IMPG1: variants seen among roughly 807,000 people sequenced by gnomAD.
The protein encoded by IMPG1 is interphotoreceptor matrix proteoglycan 1.
IMPG1 carries 85 observed loss-of-function variants against 92.0 expected under a neutral mutation model. The observed-to-expected ratio is 0.92, with a 90% CI of 0.78 to 1.11. The LOEUF is 1.11. Among genes scored for constraint, IMPG1 ranks in the 50% least tolerant of loss-of-function variants. IMPG1 has a pLI of 0.00. For missense variants in IMPG1, 1,022 were observed against 956.0 expected, an observed-to-expected ratio of 1.07 and a Z score of -0.91; for synonymous variants, 367 against 334.1, an observed-to-expected ratio of 1.10 and a Z score of -1.08.
intron 12 of IMPG1, among the ~76,000 whole-genome samples, chr6:75,974,167 C>G (rs1348268100): frequency 6.6e-6 from 1 of 152,072 alleles, no homozygotes; most frequent in Non-Finnish European, 1.5e-5. Flanking sequence ...CATTTTAGTG[C>G]AAATTTGGAA....
intron 12 of IMPG1, among the ~76,000 whole-genome samples, chr6:75,958,594 A>AT (rs1458024218): frequency 4.0e-5 from 6 of 148,562 alleles, no homozygotes; most frequent in Non-Finnish European, 4.5e-5. Context: ...GTTCCTTTTC[A>AT]TTTTTTTTTC....
Position 75,989,070 on chromosome 6 carries a change from A to G in IMPG1, c.1291+13848T>C, listed in dbSNP as rs569758580. 3.9e-5 allele frequency among the ~76,000 whole-genome samples: 6 copies of G among 152,178 alleles called. No homozygotes were observed. In the East Asian group the frequency reaches 7.7e-4, roughly 20 times the overall value. ...CCTCCTTACCACTGCCAGTTCTCTC[A>G]GCTGTAACATTTCTGGCATTTTGTT... On this transcript the variant is annotated intron_variant, in intron 12 of 16. Coordinates refer to ENST00000369950, the MANE Select transcript of IMPG1 (RefSeq NM_001563.4).
chr6:75,991,853 T>A (rs1271269109), intron 12 of IMPG1, among the ~76,000 whole-genome samples: 2 of 152,240 alleles, frequency 1.3e-5, no homozygotes, highest in Admixed American at 1.3e-4. Context: ...TCTTTGCATA[T>A]ATGGTACTGA....
In IMPG1 at chr6:75,927,981, T is replaced by C. The variant is rs573437570; in HGVS notation, c.2243+2972A>G. On this transcript the variant is annotated intron_variant, in intron 15 of 16. Coordinates refer to ENST00000369950, the MANE Select transcript of IMPG1 (RefSeq NM_001563.4). The stretch of plus-strand genomic sequence containing the variant: ...CACCTTATGCCTTGCTTTACTGATC[T>C]CACTTACGACAACCTAGAATTAAAG... 6.6e-5 allele frequency among the ~76,000 whole-genome samples: 10 copies of C among 152,202 alleles called. No individual in the cohort carries two copies. The East Asian group carries it at 1.9e-3, about 30-fold the overall frequency.
In IMPG1 at chr6:75,964,822, C is replaced by T. The variant is rs528794177; in HGVS notation, c.1292-13728G>A. On this transcript the variant is annotated intron_variant, in intron 12 of 16. Transcript: ENST00000369950. ...TTGATAATCTAGAGACAATTCCCAT[C>T]ATCACAAGGATTCCTTCATGTTGCC... is the stretch of plus-strand genomic sequence containing the variant. Among the ~76,000 whole-genome samples the T allele has an allele frequency of 9.9e-5, 15 of 152,126 alleles. No homozygotes were observed. The South Asian group carries it at 3.1e-3, about 31-fold the overall frequency.
intron 12 of IMPG1, among the ~76,000 whole-genome samples, chr6:75,966,263 T>C (rs1324683458): frequency 6.6e-6 from 1 of 152,214 alleles, no homozygotes; most frequent in Admixed American, 6.5e-5. Context: ...ATTTTATTTA[T>C]TAAAAAACAT....
rs894555197 is a variant in IMPG1, at chr6:75,929,711, TAAAA to T, written c.2243+1238_2243+1241del. On this transcript the variant is annotated intron_variant, in intron 15 of 16. Transcript: ENST00000369950. ...ACTTAAAGTATAATAATAATAAAAT[TAAAA>T]AAAAGAAAAACGGGAAATAAAATAA... Among the ~76,000 whole-genome samples, 8 of 147,574 alleles carry T rather than the reference TAAAA, an allele frequency of 5.4e-5. No homozygotes were observed. The South Asian group carries it at 1.3e-3, about 24-fold the overall frequency.
chr6:75,934,090 C>T (rs1781702316), intron 14 of IMPG1, among the ~76,000 whole-genome samples: 1 of 152,128 alleles, frequency 6.6e-6, no homozygotes, highest in African/African-American at 2.4e-5. Context: ...AGTGAGAGCC[C>T]CCCCACCCCA....
intron 2 of IMPG1, among the ~76,000 whole-genome samples, chr6:76,041,298 G>A (rs1051811788): frequency 3.9e-5 from 6 of 152,146 alleles, no homozygotes; most frequent in Non-Finnish European, 7.3e-5. Context: ...AAAGTGGACT[G>A]TGACTCTGCT....
intron 12 of IMPG1, among the ~76,000 whole-genome samples, chr6:75,976,510 G>C (rs989305864): frequency 6.6e-6 from 1 of 152,116 alleles, no homozygotes; most frequent in South Asian, 2.1e-4. Flanking sequence ...GCAGTGAGCT[G>C]ACATTGTGCC....
chr6:75,977,592 A>C (rs1410744017), intron 12 of IMPG1, among the ~76,000 whole-genome samples: 1 of 151,842 alleles, frequency 6.6e-6, no homozygotes, highest in Non-Finnish European at 1.5e-5. Flanking sequence ...TGCCTCAAAA[A>C]AAAAAAAAAC....
chr6:75,976,666 C>T (rs983331420), intron 12 of IMPG1, among the ~76,000 whole-genome samples: 1 of 152,070 alleles, frequency 6.6e-6, no homozygotes, highest in African/African-American at 2.4e-5. Context: ...AATCCCAGCA[C>T]TTTGGGAGGC....
chr6:75,935,634 A>G lies in IMPG1; in HGVS notation c.2045-4483T>C, dbSNP rs375240786. Among the ~76,000 whole-genome samples, 4 of 152,198 alleles carry G rather than the reference A, an allele frequency of 2.6e-5. No individual in the cohort carries two copies. In the East Asian group the frequency reaches 7.7e-4, roughly 29 times the overall value. On this transcript the variant is annotated intron_variant, in intron 14 of 16. Coordinates refer to ENST00000369950, the MANE Select transcript of IMPG1 (RefSeq NM_001563.4). ...AAGGGGTCATTCCTTTGCCTGGGGC[A>G]TCAGAGAAAGGCAAACTTACGCATC...
intron 12 of IMPG1, among the ~76,000 whole-genome samples, chr6:76,000,559 A>G (rs549620632): frequency 6.6e-6 from 1 of 152,332 alleles, no homozygotes; most frequent in African/African-American, 2.4e-5. Flanking sequence ...GCCACACTGC[A>G]GGATATGGAG....
At chr6:75,932,559 G>A (rs1781682723) in intron 14 of IMPG1, among the ~76,000 whole-genome samples, 1 of 152,146 alleles carries the variant, frequency 6.6e-6, no homozygotes, top group African/African-American at 2.4e-5. Flanking sequence ...CTCTATGATA[G>A]ATGAATGAAA....
chr6:75,949,660 C>T lies in IMPG1; in HGVS notation c.1824+902G>A, dbSNP rs148080201. On this transcript the variant is annotated intron_variant, in intron 13 of 16. Coordinates refer to ENST00000369950, the MANE Select transcript of IMPG1 (RefSeq NM_001563.4). ...CCCTCTCTTGGGGTCTGGACTAGGA[C>T]CCCTTTTCTGTAACAGGTTCACAGG... Among the ~76,000 whole-genome samples, 333 of 152,202 alleles carry T rather than the reference C, an allele frequency of 2.2e-3. 1 individual carries two copies. Among genetic ancestry groups the T allele is most frequent in the African/African-American group, 7.9e-3 (327 of 41,542 alleles).
intron 12 of IMPG1, among the ~76,000 whole-genome samples, chr6:75,994,778 G>C (rs1782869628): frequency 6.6e-6 from 1 of 152,134 alleles, no homozygotes; most frequent in Non-Finnish European, 1.5e-5. Flanking sequence ...TTTGGGTGGG[G>C]ATACAGCAAA....
intron 1 of IMPG1, among the ~76,000 whole-genome samples, chr6:76,060,172 G>T (rs988551020): frequency 6.6e-6 from 1 of 152,132 alleles, no homozygotes; most frequent in Admixed American, 6.6e-5. Flanking sequence ...AAATGAAGTC[G>T]GAATGAATTA....
intron 12 of IMPG1, among the ~76,000 whole-genome samples, chr6:75,995,535 C>T (rs2149474562): frequency 6.6e-6 from 1 of 152,238 alleles, no homozygotes; most frequent in East Asian, 1.9e-4. Context: ...TTATTTTTTG[C>T]CTTCTTGTCG....
Sources: allele counts gnomAD v4.1 joint callset (sites outside exome capture counted in the v4.1 genomes callset), GRCh38; gene constraint gnomAD v4.1.1; transcripts MANE v1.5; gene names NCBI Gene and HGNC (gene_info 2026-07-23, HGNC 2026-07-21).